Variants in COL28A1 observed in about 807,000 individuals in gnomAD.
The protein encoded by COL28A1 is collagen type XXVIII alpha 1 chain.
COL28A1 carries 161 observed loss-of-function variants against 150.2 expected under a neutral mutation model. The observed-to-expected ratio is 1.07, with a 90% CI of 0.94 to 1.22. The LOEUF (loss-of-function observed/expected upper bound fraction) is 1.22, where lower values mean the gene tolerates loss of function less well. COL28A1 is among the 50% of genes most tolerant of loss of function. The probability of loss-of-function intolerance (pLI) is 0.00; values close to 1 mark genes in which losing one functional copy is unlikely to be tolerated. For missense variants in COL28A1, 1,617 were observed against 1,388.3 expected, an observed-to-expected ratio of 1.16 and a Z score of -2.62; for synonymous variants, 552 against 469.7, an observed-to-expected ratio of 1.18 and a Z score of -2.26.
At chr7:7,389,005 T>G (rs144215169) in intron 27 of COL28A1, among the ~76,000 whole-genome samples, 2,352 of 152,314 alleles carry the variant, frequency 0.015, 76 homozygotes, top group African/African-American at 0.054. Context: ...GTTTATTAGA[T>G]CCCATTTGTC....
intron 27 of COL28A1, among the ~76,000 whole-genome samples, chr7:7,400,554 G>A (rs1055507010): frequency 1.3e-5 from 2 of 151,912 alleles, no homozygotes; most frequent in Non-Finnish European, 2.9e-5. Context: ...TGGTGGGAGG[G>A]GATCTGAAGA....
intron 23 of COL28A1, among the ~76,000 whole-genome samples, chr7:7,433,990 T>C (rs548689347): frequency 3.9e-5 from 6 of 152,270 alleles, no homozygotes; most frequent in African/African-American, 1.4e-4. Context: ...AAAGTCCAAC[T>C]CTCAAAAACT....
chr7:7,473,393 A>T (rs941062407), intron 15 of COL28A1, among the ~76,000 whole-genome samples: 2 of 152,166 alleles, frequency 1.3e-5, no homozygotes, highest in Non-Finnish European at 2.9e-5. Context: ...ATGAATACAC[A>T]ATTCTCGAGA....
At chr7:7,472,467 G>A (rs1332819930) in intron 15 of COL28A1, among the ~76,000 whole-genome samples, 3 of 151,480 alleles carry the variant, frequency 2.0e-5, no homozygotes, top group Non-Finnish European at 2.9e-5. Flanking sequence ...ACCTAACCAA[G>A]GAGGCGAAGG....
intron 9 of COL28A1, among the ~76,000 whole-genome samples, chr7:7,508,231 CAAA>C (rs879724648): frequency 9.4e-6 from 1 of 106,758 alleles, no homozygotes; most frequent in African/African-American, 3.5e-5. Flanking sequence ...GACTCTGTCT[CAAA>C]AAAAAAAAAA....
intron 3 of COL28A1, among the ~76,000 whole-genome samples, chr7:7,525,385 A>G (rs2115224614): frequency 6.6e-6 from 1 of 152,344 alleles, no homozygotes; most frequent in East Asian, 1.9e-4. Context: ...TCAGTGGGAT[A>G]TTACCTGACA....
chr7:7,474,304 G>C (rs1266334031), intron 15 of COL28A1, among the ~76,000 whole-genome samples: 8 of 152,110 alleles, frequency 5.3e-5, no homozygotes, highest in African/African-American at 1.9e-4. Flanking sequence ...AGGGTGGGAA[G>C]AGGGTGAGGG....
chr7:7,397,557 A>C (rs138022460), intron 27 of COL28A1, among the ~76,000 whole-genome samples: 27 of 152,330 alleles, frequency 1.8e-4, no homozygotes, highest in Admixed American at 1.3e-4. Flanking sequence ...ACTTCCATTT[A>C]GATCATATCA....
chr7:7,350,122 C>T, the COL28A1 span, among the ~76,000 whole-genome samples: 98 of 152,160 alleles, frequency 6.4e-4, no homozygotes, highest in African/African-American at 2.3e-3. Context: ...TGTAACTCCA[C>T]AGTACTGGGC....
chr7:7,519,387 G>C (rs1019741724), intron 6 of COL28A1, among the ~76,000 whole-genome samples: 1 of 152,192 alleles, frequency 6.6e-6, no homozygotes, highest in African/African-American at 2.4e-5. Context: ...GATGAGATTT[G>C]AGTGGGGACA....
chr7:7,495,564 C>G (rs1780163188), intron 11 of COL28A1, among the ~76,000 whole-genome samples: 1 of 152,128 alleles, frequency 6.6e-6, no homozygotes, highest in African/African-American at 2.4e-5. Flanking sequence ...GGGAAGGGCA[C>G]CAGAATCCCT....
chr7:7,356,432 G>A (rs1295763378), downstream of COL28A1: 1 of 152,192 alleles, frequency 6.6e-6, no homozygotes, highest in Non-Finnish European at 1.5e-5. Context: ...TTCTCTAGGT[G>A]ATGTGTTCAC....
chr7:7,414,098 C>T (rs1057412321), intron 27 of COL28A1, among the ~76,000 whole-genome samples: 3 of 152,196 alleles, frequency 2.0e-5, no homozygotes, highest in Non-Finnish European at 4.4e-5. Flanking sequence ...AAGCCATCCA[C>T]ATCTGTCTCC....
At chr7:7,496,448 T>C (rs1249810212) in intron 11 of COL28A1, among the ~76,000 whole-genome samples, 2 of 152,176 alleles carry the variant, frequency 1.3e-5, no homozygotes, top group African/African-American at 4.8e-5. Context: ...TTCCCTGTGG[T>C]TCACTTAGGT....
intron 25 of COL28A1, among the ~76,000 whole-genome samples, chr7:7,421,061 C>G (rs1475311263): frequency 6.6e-6 from 1 of 152,180 alleles, no homozygotes; most frequent in Non-Finnish European, 1.5e-5. Flanking sequence ...CAGCATTATA[C>G]ATAATCATCC....
At chr7:7,369,726 C>T (rs1355831693) in intron 33 of COL28A1, among the ~76,000 whole-genome samples, 2 of 152,056 alleles carry the variant, frequency 1.3e-5, no homozygotes, top group East Asian at 3.9e-4. Context: ...CCTGAATGGC[C>T]CTGAGTCCAA....
intron 27 of COL28A1, among the ~76,000 whole-genome samples, 187 bp from the exon 28 acceptor site, chr7:7,381,799 C>G (rs1436654634): frequency 6.6e-6 from 1 of 152,034 alleles, no homozygotes; most frequent in African/African-American, 2.4e-5. Context: ...CAATGGTTTG[C>G]TAGTAAGTGT....
In COL28A1 at chr7:7,443,983, GCTGTTTTT is replaced by G. The variant is rs1786024081; in HGVS notation, c.1582-338_1582-331del. Among the ~76,000 whole-genome samples the G allele has an allele frequency of 2.5e-5, 3 of 120,636 alleles. No individual in the cohort carries two copies. The South Asian group carries it at 7.7e-4, about 31-fold the overall frequency. 79.1% of individuals were successfully genotyped at this position (120,636 alleles called of 152,430 possible). On this transcript the variant is annotated intron_variant, in intron 19 of 34. Coordinates refer to ENST00000399429, the MANE Select transcript of COL28A1 (RefSeq NM_001037763.3). Reference sequence around the variant, plus strand: ...GGGAAGACCTTCAGCCTTTCCATCTGCTGTTTTTTTTTTTTTTTTTTTTTGCTACTTTT... The same window carrying G: ...GGGAAGACCTTCAGCCTTTCCATCTGTTTTTTTTTTTTTTTTGCTACTTTT...
At chr7:7,369,072 T>C (rs755984496) in intron 33 of COL28A1, among the ~76,000 whole-genome samples, 5 of 152,114 alleles carry the variant, frequency 3.3e-5, no homozygotes, top group African/African-American at 4.8e-5. Flanking sequence ...TGTGATTCAG[T>C]GATTATAAGG....
Sources: allele counts gnomAD v4.1 joint callset (sites outside exome capture counted in the v4.1 genomes callset), GRCh38; gene constraint gnomAD v4.1.1; transcripts MANE v1.5; gene names NCBI Gene and HGNC (gene_info 2026-07-23, HGNC 2026-07-21).